RFX8: variants seen among roughly 807,000 people sequenced by gnomAD.
RFX8 encodes DNA-binding protein RFX8.
A neutral mutation model predicts 54.6 loss-of-function variants in RFX8; 46 were observed. The ratio of observed to expected loss-of-function variants is 0.84; its 90% CI spans 0.67 to 1.08. RFX8 has a LOEUF of 1.08. Among genes scored for constraint, RFX8 ranks in the 50% least tolerant of loss-of-function variants. The pLI, the probability that RFX8 is intolerant of heterozygous loss-of-function variation, is 0.00. For missense variants in RFX8, 536 were observed against 562.3 expected (o/e 0.95, Z 0.47); for synonymous variants, 192 against 209.5 (o/e 0.92, Z 0.72).
chr2:101,451,689 CA>C (rs11441528), intron 2 of RFX8, among the ~76,000 whole-genome samples: 68,156 of 111,252 alleles, frequency 0.61, 19,642 homozygotes, highest in Middle Eastern at 0.64. Context: ...AACTCCGTCT[CA>C]AAAAAAAAAA....
chr2:101,470,324 G>A (rs1689904112), intron 1 of RFX8, among the ~76,000 whole-genome samples: 1 of 152,176 alleles, frequency 6.6e-6, no homozygotes, highest in Non-Finnish European at 1.5e-5. Flanking sequence ...AGATGCTGAT[G>A]TTGGCAGAGT....
intron 2 of RFX8, among the ~76,000 whole-genome samples, chr2:101,462,421 C>T (rs113292867): frequency 0.013 from 2,019 of 152,038 alleles, 43 homozygotes; most frequent in African/African-American, 0.046. Context: ...CAGAGCAACA[C>T]TCTGCCTCAA....
chr2:101,420,341 A>G (rs1686793730), intron 4 of RFX8, among the ~76,000 whole-genome samples: 2 of 152,104 alleles, frequency 1.3e-5, no homozygotes, highest in Non-Finnish European at 2.9e-5. Flanking sequence ...CAGGAGTTTG[A>G]GAACAGCCTG....
chr2:101,461,238 G>T (rs574701049), intron 2 of RFX8, among the ~76,000 whole-genome samples: 122 of 137,990 alleles, frequency 8.8e-4, no homozygotes, highest in Middle Eastern at 3.9e-3. Context: ...ACCCCAGCCC[G>T]GGCGACAGAG....
At chr2:101,444,146 A>C (rs1241384789) in intron 2 of RFX8, among the ~76,000 whole-genome samples, 1 of 152,134 alleles carries the variant, frequency 6.6e-6, no homozygotes, top group Non-Finnish European at 1.5e-5. Flanking sequence ...CCTTACACCA[A>C]GGGGCATAAG....
intron 2 of RFX8, among the ~76,000 whole-genome samples, chr2:101,427,207 T>A (rs997922606): frequency 6.6e-6 from 1 of 152,132 alleles, no homozygotes; most frequent in African/African-American, 2.4e-5. Flanking sequence ...CACGTCCTAA[T>A]CCCTGGAACC....
chr2:101,459,546 C>G (rs1239446445), intron 2 of RFX8, among the ~76,000 whole-genome samples: 1 of 152,186 alleles, frequency 6.6e-6, no homozygotes, highest in Non-Finnish European at 1.5e-5. Context: ...CCAGCAGAGG[C>G]TGCAGAACAG....
chr2:101,446,561 C>G (rs1688393905), intron 2 of RFX8, among the ~76,000 whole-genome samples: 1 of 152,174 alleles, frequency 6.6e-6, no homozygotes. Flanking sequence ...GCCGATGTCA[C>G]TCTTGCCTTT....
chr2:101,400,550 A>G (rs1685371998), intron 11 of RFX8, among the ~76,000 whole-genome samples: 1 of 152,060 alleles, frequency 6.6e-6, no homozygotes, highest in Non-Finnish European at 1.5e-5. Context: ...TTCTGTACTC[A>G]GAGTTAAGCC....
In RFX8 at chr2:101,466,836, A is replaced by G. The variant is rs375204190; in HGVS notation, c.13T>C (p.Tyr5His). 90 of 1,551,374 alleles carry G rather than the reference A, an allele frequency of 5.8e-5. No homozygotes were observed. Among genetic ancestry groups the G allele is most frequent in the Admixed American group, 9.8e-5 (5 of 50,978 alleles). Residue 5 changes from tyrosine to histidine, a missense_variant, in exon 2 of 12, where the codon TAC becomes CAC. Tyr to His is a moderately conservative substitution (Grantham distance 83). Coordinates refer to ENST00000428343, the MANE Select transcript of RFX8 (RefSeq NM_001145664.2). The stretch of plus-strand genomic sequence containing the variant: ...GTGTTTTGCCCACAGGTCTCCACGT[A>G]AATCTCATACATGAGACAGCGAGGG... MYEIYVETCGQNTEN... is the reference protein window; with the variant it reads MYEIHVETCGQNTEN...
intron 9 of RFX8, among the ~76,000 whole-genome samples, chr2:101,409,691 G>C (rs1350492692): frequency 1.3e-5 from 2 of 152,124 alleles, no homozygotes; most frequent in African/African-American, 4.8e-5. Flanking sequence ...GGAGAGACAG[G>C]GTTTCACTAT....
chr2:101,403,569 G>A (rs1273380126), intron 10 of RFX8, among the ~76,000 whole-genome samples: 5 of 152,174 alleles, frequency 3.3e-5, no homozygotes, highest in African/African-American at 1.2e-4. Context: ...GGCAGATCAC[G>A]AAGTCAGGAG....
At chr2:101,469,120 A>G (rs1239101205) in intron 1 of RFX8, among the ~76,000 whole-genome samples, 1 of 116,548 alleles carries the variant, frequency 8.6e-6, no homozygotes, top group Non-Finnish European at 1.8e-5. Context: ...GTATATATAT[A>G]TAAGTATATA....
In RFX8 at chr2:101,422,385, C is replaced by A. The variant is rs570405134; in HGVS notation, c.160G>T (p.Ala54Ser). Residue 54 changes from alanine (A) to serine (S), a missense_variant, in exon 3 of 12, where the codon GCA becomes TCA. By Grantham distance (99) the Ala-to-Ser change is moderately conservative. Transcript: ENST00000428343. ...ACCATATTACAGGAGTATTTCTTTG[C>A]CTGTTCTTGCTCCAGAAATGGACAT... is the stretch of plus-strand genomic sequence containing the variant. ...RRCPFLEQEQ[A>S]KKYSCNMMAF... 2 of 1,538,792 alleles carry A rather than the reference C, an allele frequency of 1.3e-6. No homozygotes were observed. The highest frequency in any genetic ancestry group is 2.4e-5 in the East Asian group (1 of 40,858).
chr2:101,422,623 C>T (rs1409200077), intron 2 of RFX8, among the ~76,000 whole-genome samples, 151 bp from the exon 3 acceptor site: 3 of 152,136 alleles, frequency 2.0e-5, no homozygotes, highest in Non-Finnish European at 2.9e-5. Flanking sequence ...AGCAGCTTTC[C>T]TCTCATATTG....
intron 4 of RFX8, chr2:101,421,304 C>G (rs960729960): frequency 2.0e-6 from 2 of 987,618 alleles, no homozygotes; most frequent in East Asian, 1.1e-4. Flanking sequence ...TAAATCCAAT[C>G]GTGACAATAC....
In RFX8 at chr2:101,414,837, G is replaced by A; in HGVS notation, c.561+17C>T. 1 of 1,539,274 alleles carries A rather than the reference G, an allele frequency of 6.5e-7. No homozygotes were observed. The highest frequency in any genetic ancestry group is 2.0e-5 in the Admixed American group (1 of 50,948). Reference sequence around the variant, plus strand: ...GAAACTGCTTTGTTCCCTCCTATCTGCTTGGCTGAAGCCTACCTTAGCCAT... The same window carrying A: ...GAAACTGCTTTGTTCCCTCCTATCTACTTGGCTGAAGCCTACCTTAGCCAT... On this transcript the variant is annotated intron_variant, in intron 7 of 11. Coordinates refer to ENST00000428343, the MANE Select transcript of RFX8 (RefSeq NM_001145664.2).
chr2:101,403,072 A>G (rs1353798128), intron 10 of RFX8, among the ~76,000 whole-genome samples: 1 of 152,138 alleles, frequency 6.6e-6, no homozygotes, highest in African/African-American at 2.4e-5. Context: ...TGGAGAGGGT[A>G]CCCCTCAACC....
intron 1 of RFX8, among the ~76,000 whole-genome samples, chr2:101,472,170 G>C (rs1414645492): frequency 6.6e-6 from 1 of 152,148 alleles, no homozygotes; most frequent in Non-Finnish European, 1.5e-5. Context: ...GCGCAATCTT[G>C]GTTCACTACA....
Sources: allele counts gnomAD v4.1 joint callset (sites outside exome capture counted in the v4.1 genomes callset), GRCh38; gene constraint gnomAD v4.1.1; transcripts MANE v1.5; gene names NCBI Gene and HGNC (gene_info 2026-07-23, HGNC 2026-07-21).